Variants in TMEM132B observed in about 807,000 individuals in gnomAD.
The protein encoded by TMEM132B is transmembrane protein 132B.
Under a neutral mutation model 90.8 loss-of-function variants are expected in TMEM132B, and 18 were observed. That is an observed-to-expected ratio of 0.20 (90% confidence interval 0.14 to 0.29). The LOEUF (loss-of-function observed/expected upper bound fraction) is 0.29, where lower values mean the gene tolerates loss of function less well. Among genes scored for constraint, TMEM132B ranks in the 10% least tolerant of loss-of-function variants. The pLI is 1.00. For missense variants in TMEM132B, 1,096 were observed against 1,326.8 expected (o/e 0.83, Z 2.70); for synonymous variants, 504 against 523.3 (o/e 0.96, Z 0.50).
chr12:125,613,737 T>C (rs1278668299), intron 5 of TMEM132B, among the ~76,000 whole-genome samples: 3 of 152,046 alleles, frequency 2.0e-5, no homozygotes, highest in African/African-American at 7.2e-5. Flanking sequence ...CTATATGTTA[T>C]AAAGACAATA....
intron 2 of TMEM132B, among the ~76,000 whole-genome samples, chr12:125,387,319 C>T (rs771109676): frequency 1.3e-5 from 2 of 152,234 alleles, no homozygotes; most frequent in Non-Finnish European, 2.9e-5. Context: ...CCCTTGAACA[C>T]AGTAACTCAA....
intron 3 of TMEM132B, among the ~76,000 whole-genome samples, chr12:125,473,557 A>G (rs1881776916): frequency 6.6e-6 from 1 of 152,152 alleles, no homozygotes; most frequent in African/African-American, 2.4e-5. Context: ...GTGTGTTGTA[A>G]TTGTATAAGT....
intron 1 of TMEM132B, among the ~76,000 whole-genome samples, chr12:125,263,616 A>G (rs1168223956): frequency 6.6e-6 from 1 of 152,228 alleles, no homozygotes; most frequent in East Asian, 1.9e-4. Context: ...TTGGTGGTCA[A>G]TAAATGTATC....
chr12:125,411,491 T>C (rs1879838034), intron 2 of TMEM132B, among the ~76,000 whole-genome samples: 1 of 151,910 alleles, frequency 6.6e-6, no homozygotes, highest in African/African-American at 2.4e-5. Flanking sequence ...TCAGCACATG[T>C]ACCCCAGAAC....
chr12:125,530,974 G>A (rs1005429904), intron 4 of TMEM132B, among the ~76,000 whole-genome samples: 3 of 152,140 alleles, frequency 2.0e-5, no homozygotes, highest in Non-Finnish European at 4.4e-5. Context: ...ACTTAGATCC[G>A]GGGCAGCCCA....
chr12:125,408,739 G>C lies in TMEM132B; in HGVS notation c.960-6792G>C, dbSNP rs977602901. On this transcript the variant is annotated intron_variant, in intron 2 of 8. Transcript: ENST00000682704. The surrounding 1 kb of genome is among the most constrained non-coding windows in gnomAD (Gnocchi z 5.9). ...GTTTCTGTTGGGCATAAACCGAGGA[G>C]TGGCAATGCTGTTACAGGGTCTACG... Among the ~76,000 whole-genome samples the C allele has an allele frequency of 1.1e-4, 16 of 152,320 alleles. No individual in the cohort carries two copies. Among genetic ancestry groups the C allele is most frequent in the African/African-American group, 3.8e-4 (16 of 41,572 alleles).
At chr12:125,287,791 A>G (rs771161872) in intron 1 of TMEM132B, among the ~76,000 whole-genome samples, 2 of 152,150 alleles carry the variant, frequency 1.3e-5, no homozygotes, top group African/African-American at 2.4e-5. Flanking sequence ...CACACTACTT[A>G]CACTATTATG....
At chr12:125,308,692 A>T (rs143315602) in intron 1 of TMEM132B, among the ~76,000 whole-genome samples, 172 of 152,240 alleles carry the variant, frequency 1.1e-3, no homozygotes, top group African/African-American at 4.0e-3. Context: ...CATAACAAAT[A>T]TCAGTGTATT....
In TMEM132B at chr12:125,458,068, C is replaced by A. The variant is rs1204031269; in HGVS notation, c.1106+42391C>A. ...AAGGAGGCAGAGGGTGGTCATGAGG[C>A]AAGGTGAGTAAGGTGTGACGAGTGG... On this transcript the variant is annotated intron_variant, in intron 3 of 8. Transcript: ENST00000682704. The surrounding 1 kb of genome is among the most constrained non-coding windows in gnomAD (Gnocchi z 4.9). Among the ~76,000 whole-genome samples, 1 of 152,024 alleles carries A rather than the reference C, an allele frequency of 6.6e-6. No individual in the cohort carries two copies. The highest frequency in any genetic ancestry group is 1.5e-5 in the Non-Finnish European group (1 of 68,002).
At chr12:125,409,407 C>T (rs919874631) in intron 2 of TMEM132B, among the ~76,000 whole-genome samples, 1 of 152,164 alleles carries the variant, frequency 6.6e-6, no homozygotes, top group African/African-American at 2.4e-5. Context: ...AGCCCTGTCC[C>T]GTGAGGAGGC....
At chr12:125,252,565 C>G (rs950075056) in intron 1 of TMEM132B, among the ~76,000 whole-genome samples, 2 of 152,216 alleles carry the variant, frequency 1.3e-5, no homozygotes. Flanking sequence ...CTGGCCAACT[C>G]CACGGGTGGG....
At chr12:125,554,386 C>T (rs1884317113) in intron 4 of TMEM132B, among the ~76,000 whole-genome samples, 1 of 135,894 alleles carries the variant, frequency 7.4e-6, no homozygotes, top group Admixed American at 8.1e-5. Context: ...GATAGTGCCA[C>T]TGCACTCTAG....
intron 4 of TMEM132B, among the ~76,000 whole-genome samples, chr12:125,573,072 T>C (rs1307694907): frequency 1.3e-5 from 2 of 152,190 alleles, no homozygotes; most frequent in East Asian, 3.9e-4. Flanking sequence ...TTCTTTGTCT[T>C]GGCACTTAAA....
intron 1 of TMEM132B, among the ~76,000 whole-genome samples, chr12:125,230,926 C>T (rs1187762241): frequency 1.3e-5 from 2 of 152,174 alleles, no homozygotes; most frequent in Non-Finnish European, 2.9e-5. Context: ...CTGTTGTTTA[C>T]ACCACCTGTC....
intron 5 of TMEM132B, chr12:125,622,581 C>G (rs992025832): frequency 1.0e-6 from 1 of 985,346 alleles, no homozygotes; most frequent in African/African-American, 1.7e-5. Context: ...CTCAGCCTGA[C>G]TGTGTTCTTA....
At chr12:125,315,242 A>C (rs1318541920) in intron 1 of TMEM132B, among the ~76,000 whole-genome samples, 1 of 152,266 alleles carries the variant, frequency 6.6e-6, no homozygotes, top group Non-Finnish European at 1.5e-5. Context: ...TCTGTCACTC[A>C]GGCTGGAGTG....
chr12:125,452,794 C>T (rs1167248582), intron 3 of TMEM132B, among the ~76,000 whole-genome samples: 1 of 152,022 alleles, frequency 6.6e-6, no homozygotes, highest in Non-Finnish European at 1.5e-5. Flanking sequence ...AATCTCTTTT[C>T]GTGTCATTTG....
At chr12:125,313,288 A>G (rs1295795995) in intron 1 of TMEM132B, among the ~76,000 whole-genome samples, 2 of 152,270 alleles carry the variant, frequency 1.3e-5, no homozygotes, top group African/African-American at 2.4e-5. Context: ...AATGATTTGA[A>G]TCTGTGTCCA....
chr12:125,564,032 C>T (rs925457832), intron 4 of TMEM132B, among the ~76,000 whole-genome samples: 3 of 152,112 alleles, frequency 2.0e-5, no homozygotes, highest in South Asian at 2.1e-4. Context: ...TTTGTTAAGG[C>T]GTCCCTGGGA....
Sources: allele counts gnomAD v4.1 joint callset (sites outside exome capture counted in the v4.1 genomes callset), GRCh38; gene constraint gnomAD v4.1.1; non-coding constraint Gnocchi (gnomAD v3.1); transcripts MANE v1.5; gene names NCBI Gene and HGNC (gene_info 2026-07-23, HGNC 2026-07-21).